The following MEGF10 variants were observed in gnomAD, a reference collection of about 807,000 sequenced individuals.
The protein encoded by MEGF10 is multiple epidermal growth factor-like domains protein 10.
MEGF10 carries 86 observed loss-of-function variants against 147.5 expected under a neutral mutation model. The observed-to-expected ratio is 0.58, with a 90% CI of 0.49 to 0.70. The LOEUF (loss-of-function observed/expected upper bound fraction) is 0.70, where lower values mean the gene tolerates loss of function less well. Ranked by LOEUF, MEGF10 falls within the 30% of genes least tolerant of loss-of-function variation. The pLI is 0.00. For synonymous variants in MEGF10, 478 were observed against 525.5 expected (o/e 0.91, Z 1.24); for missense variants, 1,329 against 1,487.3 (o/e 0.89, Z 1.75).
At chr5:127,319,995 A>G (rs963970434) in intron 1 of MEGF10, among the ~76,000 whole-genome samples, 4 of 152,216 alleles carry the variant, frequency 2.6e-5, no homozygotes, top group African/African-American at 9.6e-5. Flanking sequence ...CCACAGCATC[A>G]TCATCTGTAA....
At chr5:127,428,467 A>G (rs1765281515) in intron 13 of MEGF10, among the ~76,000 whole-genome samples, 1 of 152,152 alleles carries the variant, frequency 6.6e-6, no homozygotes, top group East Asian at 1.9e-4. Flanking sequence ...TAACTTCTCT[A>G]TACTACACCA....
At chr5:127,277,317 G>A in the MEGF10 span, among the ~76,000 whole-genome samples, 2 of 152,184 alleles carry the variant, frequency 1.3e-5, no homozygotes, top group Non-Finnish European at 2.9e-5. Context: ...CTGTCATTGA[G>A]GGAGTATAGG....
At chr5:127,400,927 TG>T (rs2126931335) in intron 7 of MEGF10, among the ~76,000 whole-genome samples, 1 of 152,362 alleles carries the variant, frequency 6.6e-6, no homozygotes, top group South Asian at 2.1e-4. Flanking sequence ...ATGTTATTTG[TG>T]CTGTCATCCT....
chr5:127,323,153 G>A (rs1347452665), intron 1 of MEGF10, among the ~76,000 whole-genome samples: 1 of 152,116 alleles, frequency 6.6e-6, no homozygotes, highest in Non-Finnish European at 1.5e-5. Flanking sequence ...GATAATCATA[G>A]AAAAGTAGCC....
At chr5:127,300,521 T>C (rs1454356925) in intron 1 of MEGF10, among the ~76,000 whole-genome samples, 1 of 152,210 alleles carries the variant, frequency 6.6e-6, no homozygotes, top group Non-Finnish European at 1.5e-5. Flanking sequence ...TGACATTACA[T>C]TTAATCTAAG....
chr5:127,422,339 G>A (rs965055259), intron 12 of MEGF10, among the ~76,000 whole-genome samples: 4 of 151,946 alleles, frequency 2.6e-5, no homozygotes, highest in Non-Finnish European at 1.5e-5. Flanking sequence ...TGACCAACAA[G>A]GTGAAACCCT....
intron 5 of MEGF10, among the ~76,000 whole-genome samples, chr5:127,383,271 T>C (rs1246907922): frequency 6.6e-6 from 1 of 152,156 alleles, no homozygotes; most frequent in Non-Finnish European, 1.5e-5. Context: ...TATAGTATAA[T>C]AATGAACTCC....
At chr5:127,244,140 G>GAGCCAAGACTGCACCATTGCACTC in the MEGF10 span, among the ~76,000 whole-genome samples, 16 of 144,090 alleles carry the variant, frequency 1.1e-4, no homozygotes, top group South Asian at 3.3e-3. Context: ...AGGTTGCAGT[G>GAGCCAAGACTGCACCATTGCACTC]AGCCAAGACT....
chr5:127,338,640 A>G (rs1462516003), intron 2 of MEGF10, among the ~76,000 whole-genome samples: 2 of 152,120 alleles, frequency 1.3e-5, no homozygotes, highest in South Asian at 2.1e-4. Context: ...CCAAGTTCCA[A>G]CTAGAGAAAA....
At chr5:127,342,726 C>A (rs1264866911) in intron 4 of MEGF10, among the ~76,000 whole-genome samples, 2 of 152,150 alleles carry the variant, frequency 1.3e-5, no homozygotes, top group Non-Finnish European at 2.9e-5. Flanking sequence ...TCCTGCTAGA[C>A]AGCTTGCAAA....
At chr5:127,342,837 A>C (rs111434515) in intron 4 of MEGF10, among the ~76,000 whole-genome samples, 138 of 151,846 alleles carry the variant, frequency 9.1e-4, no homozygotes, top group African/African-American at 3.0e-3. Context: ...AGACTGCAAT[A>C]TTTTTTCCTT....
At chr5:127,403,160 G>T (rs761714448) in intron 8 of MEGF10, among the ~76,000 whole-genome samples, 8 of 152,112 alleles carry the variant, frequency 5.3e-5, no homozygotes, top group Non-Finnish European at 1.0e-4. Flanking sequence ...GGGCCCTCTG[G>T]TCCCACACGA....
intron 8 of MEGF10, among the ~76,000 whole-genome samples, chr5:127,406,070 A>G (rs764266749): frequency 6.6e-6 from 1 of 152,200 alleles, no homozygotes; most frequent in African/African-American, 2.4e-5. Context: ...AAGACCAAGC[A>G]CTATCTTAAT....
rs1023750427 is a variant in MEGF10, at chr5:127,459,993, G to C, written c.*2675G>C. ...TTCCCTCTGAAATTACAAACTTTAG[G>C]AACTTTTCCAGATGTATCGAATTTA... On this transcript the variant is annotated 3_prime_UTR_variant, in exon 25 of 25. Coordinates refer to ENST00000503335, the MANE Select transcript of MEGF10 (RefSeq NM_001256545.2). 2 of 152,096 alleles carry C rather than the reference G, an allele frequency of 1.3e-5. No individual in the cohort carries two copies. The highest frequency in any genetic ancestry group is 2.9e-5 in the Non-Finnish European group (2 of 68,000). The allele number at this position is 152,096 out of a possible 1,614,324, so 9.4% of individuals were successfully genotyped here.
In MEGF10 at chr5:127,391,147, CACACACAT is replaced by C. The variant is rs1198775342; in HGVS notation, c.413-5381_413-5374del. Among the ~76,000 whole-genome samples, 52 of 85,386 alleles carry C rather than the reference CACACACAT, an allele frequency of 6.1e-4. 2 individuals are homozygous for C. The highest frequency in any genetic ancestry group is 6.8e-3 in the Middle Eastern group (1 of 148). The allele number at this position is 85,386 out of a possible 152,430, so 56.0% of individuals were successfully genotyped here. A position where few individuals can be genotyped will look rare whatever the true frequency, so the allele number is the denominator to read the frequency against. On this transcript the variant is annotated intron_variant, in intron 5 of 24. Transcript: ENST00000503335. ...ACACACACACACACACACACACACA[CACACACAT>C]ACATGCTTATTTCTTTAGGAAAAAC...
chr5:127,256,993 G>C, the MEGF10 span, among the ~76,000 whole-genome samples: 1 of 152,136 alleles, frequency 6.6e-6, no homozygotes, highest in Non-Finnish European at 1.5e-5. Flanking sequence ...TAGGGTATAG[G>C]AGTAAATGAT....
chr5:127,341,109 A>G (rs552598485), intron 4 of MEGF10, among the ~76,000 whole-genome samples: 133 of 152,252 alleles, frequency 8.7e-4, no homozygotes, highest in Admixed American at 1.9e-3. Flanking sequence ...GCATCACAAA[A>G]TAGAACTTCT....
chr5:127,345,017 G>A (rs1337225266), intron 4 of MEGF10, among the ~76,000 whole-genome samples: 1 of 152,174 alleles, frequency 6.6e-6, no homozygotes, highest in African/African-American at 2.4e-5. Flanking sequence ...AGATCCTGAA[G>A]ATTTTAAGTT....
intron 5 of MEGF10, among the ~76,000 whole-genome samples, chr5:127,392,814 A>C (rs1529468): frequency 0.051 from 7,734 of 152,252 alleles, 397 homozygotes; most frequent in African/African-American, 0.13. Flanking sequence ...TATGTAATCC[A>C]AGTAGTACCC....
Sources: gnomAD v4.1 joint callset for allele counts (sites outside exome capture counted in the v4.1 genomes callset) on GRCh38, gnomAD v4.1.1 for gene constraint, MANE v1.5 for transcripts, NCBI Gene and HGNC (gene_info 2026-07-23, HGNC 2026-07-21) for gene names.